The following FARS2 variants were observed in gnomAD, a reference collection of about 807,000 sequenced individuals.
FARS2 encodes the protein phenylalanyl-tRNA synthetase 2, mitochondrial.
FARS2 carries 40 observed loss-of-function variants against 46.4 expected under a neutral mutation model. That is an observed-to-expected ratio of 0.86 (90% CI 0.67 to 1.12). The LOEUF (loss-of-function observed/expected upper bound fraction) is 1.12. Among genes scored for constraint, FARS2 ranks in the 50% most tolerant of loss-of-function variants. The pLI is 0.00. For synonymous variants in FARS2, 234 were observed against 214.9 expected (o/e 1.09, Z -0.78); for missense variants, 513 against 567.9 (o/e 0.90, Z 0.98).
chr6:5,533,615 A>G (rs1179778964), intron 4 of FARS2, among the ~76,000 whole-genome samples: 1 of 152,224 alleles, frequency 6.6e-6, no homozygotes, highest in Non-Finnish European at 1.5e-5. Flanking sequence ...GAAGGTCAAC[A>G]ATAAGTAAAT....
At chr6:5,703,726 G>A (rs961391147) in intron 6 of FARS2, among the ~76,000 whole-genome samples, 7 of 152,070 alleles carry the variant, frequency 4.6e-5, no homozygotes, top group East Asian at 1.9e-4. Flanking sequence ...CTCTGCTTCC[G>A]TGCAAAGGTG....
chr6:5,252,822 G>A, the FARS2 span, among the ~76,000 whole-genome samples: 3 of 150,146 alleles, frequency 2.0e-5, no homozygotes, highest in South Asian at 4.3e-4. Context: ...TCAGGCATAA[G>A]CATGAGAGGA....
chr6:5,601,770 G>T (rs186889959), intron 5 of FARS2, among the ~76,000 whole-genome samples: 1 of 152,232 alleles, frequency 6.6e-6, no homozygotes, highest in Non-Finnish European at 1.5e-5. Flanking sequence ...ACATGAAGTG[G>T]CTGGCACAGT....
At chr6:5,313,923 A>G (rs894166598) in intron 1 of FARS2, among the ~76,000 whole-genome samples, 1 of 152,170 alleles carries the variant, frequency 6.6e-6, no homozygotes, top group Admixed American at 6.5e-5. Flanking sequence ...TGCCCCAGAC[A>G]TTGTGACCTA....
At chr6:5,365,369 T>TCAC (rs542667621) in intron 1 of FARS2, among the ~76,000 whole-genome samples, 209 of 129,408 alleles carry the variant, frequency 1.6e-3, no homozygotes, top group African/African-American at 5.5e-3. Context: ...TCTCACTCTG[T>TCAC]CACCCAAGCT....
At chr6:5,653,758 G>C (rs1483841106) in intron 6 of FARS2, among the ~76,000 whole-genome samples, 1 of 152,170 alleles carries the variant, frequency 6.6e-6, no homozygotes, top group Non-Finnish European at 1.5e-5. Context: ...CCTGTTACCT[G>C]TCAGATGCTC....
chr6:5,640,644 G>A (rs749985738), intron 6 of FARS2, among the ~76,000 whole-genome samples: 14 of 152,204 alleles, frequency 9.2e-5, no homozygotes, highest in Non-Finnish European at 1.9e-4. Flanking sequence ...ATCATCTCTC[G>A]AAGCCGCCTG....
At chr6:5,443,700 G>T (rs925684879) in intron 4 of FARS2, among the ~76,000 whole-genome samples, 1 of 152,220 alleles carries the variant, frequency 6.6e-6, no homozygotes, top group Non-Finnish European at 1.5e-5. Flanking sequence ...ACAGGTGGTG[G>T]TTGTTGCATG....
chr6:5,605,781 C>T (rs538825468), intron 5 of FARS2, among the ~76,000 whole-genome samples: 11 of 151,976 alleles, frequency 7.2e-5, no homozygotes, highest in African/African-American at 2.7e-4. Flanking sequence ...TCAAAGAGAC[C>T]ATTGGAGAAA....
rs1032401037 is a variant in FARS2 at position 5,511,026 on chromosome 6, A to G, written c.905-34154A>G. ...TGAGTTGTCTCCCATGCTTGAGCTC[A>G]GAGGGGACTGAGCTTCCCTTCTCTC... On this transcript the variant is annotated intron_variant, in intron 4 of 6. Coordinates refer to ENST00000274680, the MANE Select transcript of FARS2 (RefSeq NM_006567.5). Among the ~76,000 whole-genome samples, 8 of 152,296 alleles carry G rather than the reference A, an allele frequency of 5.3e-5. No individual in the cohort carries two copies. In the East Asian group the frequency reaches 1.5e-3, roughly 29 times the overall value.
intron 3 of FARS2, among the ~76,000 whole-genome samples, chr6:5,428,655 G>A (rs1309667333): frequency 6.6e-6 from 1 of 152,196 alleles, no homozygotes. Flanking sequence ...TAGCAGGATT[G>A]TCTCTGGTGC....
At chr6:5,348,707 C>G (rs1262318209) in intron 1 of FARS2, among the ~76,000 whole-genome samples, 1 of 148,334 alleles carries the variant, frequency 6.7e-6, no homozygotes, top group Non-Finnish European at 1.5e-5. Flanking sequence ...TATAATCTAC[C>G]ATTATCAGCA....
chr6:5,623,840 G>A (rs1272186816), intron 6 of FARS2, among the ~76,000 whole-genome samples: 1 of 152,232 alleles, frequency 6.6e-6, no homozygotes, highest in Non-Finnish European at 1.5e-5. Flanking sequence ...TGGCAGATGA[G>A]ATGACATTTC....
intron 1 of FARS2, chr6:5,272,627 T>C (rs1766041516): frequency 6.6e-6 from 1 of 152,256 alleles, no homozygotes; most frequent in Non-Finnish European, 1.5e-5. Flanking sequence ...GTAATTGTGA[T>C]ATCTATCACC....
At chr6:5,747,795 CTAAA>C (rs1761721459) in intron 6 of FARS2, among the ~76,000 whole-genome samples, 1 of 152,194 alleles carries the variant, frequency 6.6e-6, no homozygotes, top group South Asian at 2.1e-4. Flanking sequence ...CACTTCATTG[CTAAA>C]TAATCTTTTC....
At chr6:5,322,672 C>T (rs928148726) in intron 1 of FARS2, among the ~76,000 whole-genome samples, 4 of 152,136 alleles carry the variant, frequency 2.6e-5, no homozygotes, top group African/African-American at 9.7e-5. Flanking sequence ...CTGGTGACAG[C>T]CGTCACACAG....
Position 5,705,228 on chromosome 6 carries a change from T to C in FARS2, c.1218-66063T>C, listed in dbSNP as rs367765595. On this transcript the variant is annotated intron_variant, in intron 6 of 6. Transcript: ENST00000274680. ...CATAAAGTAAATAGAAAATATAGTTTGAATCATGAAATTGCCGTTTTTTAA... is the reference window on the plus strand; with the variant it reads ...CATAAAGTAAATAGAAAATATAGTTCGAATCATGAAATTGCCGTTTTTTAA... Among the ~76,000 whole-genome samples, 39 of 152,328 alleles carry C rather than the reference T, an allele frequency of 2.6e-4. 1 individual carries two copies. The highest frequency in any genetic ancestry group is 9.1e-4 in the African/African-American group (38 of 41,590).
rs143050777 is a variant in FARS2, at chr6:5,693,307, G to A, written c.1218-77984G>A. ...ATCTAAATATTTTACTTTATTTTCA[G>A]AAAACCCTCACCAGATCTGCCCCCT... is the stretch of plus-strand genomic sequence containing the variant. On this transcript the variant is annotated intron_variant, in intron 6 of 6. Coordinates refer to ENST00000274680, the MANE Select transcript of FARS2 (RefSeq NM_006567.5). Among the ~76,000 whole-genome samples, 10 of 152,262 alleles carry A rather than the reference G, an allele frequency of 6.6e-5. 1 individual carries two copies. In the East Asian group the frequency reaches 1.9e-3, roughly 29 times the overall value.
intron 5 of FARS2, among the ~76,000 whole-genome samples, chr6:5,597,111 G>T (rs1027336955): frequency 2.6e-5 from 4 of 152,204 alleles, no homozygotes; most frequent in African/African-American, 9.6e-5. Context: ...GCCCTGGACG[G>T]AAAGCAGCTG....
Sources: allele counts gnomAD v4.1 joint callset (sites outside exome capture counted in the v4.1 genomes callset), GRCh38; gene constraint gnomAD v4.1.1; transcripts MANE v1.5; gene names NCBI Gene and HGNC (gene_info 2026-07-23, HGNC 2026-07-21).